The following MAGI2 variants were observed in gnomAD, a reference collection of about 807,000 sequenced individuals.
MAGI2 encodes membrane associated guanylate kinase, WW and PDZ domain containing 2.
MAGI2 carries 35 observed loss-of-function variants against 133.3 expected under a neutral mutation model. The observed-to-expected ratio is 0.26, with a 90% CI of 0.20 to 0.35. The LOEUF is 0.35. MAGI2 is among the 10% of genes least tolerant of loss of function. MAGI2 has a pLI of 1.00. For missense variants in MAGI2, 1,636 were observed against 1,863.4 expected (o/e 0.88, Z 2.25); for synonymous variants, 729 against 710.6 (o/e 1.03, Z -0.41).
At chr7:78,117,164 G>A in intron 20 of MAGI2, among the ~76,000 whole-genome samples, 1 of 151,310 alleles carries the variant, frequency 6.6e-6, no homozygotes, top group Non-Finnish European at 1.5e-5. Context: ...CAACAAAAAG[G>A]ATTATTCTAT....
intron 2 of MAGI2, among the ~76,000 whole-genome samples, chr7:78,662,462 G>A (rs779887568): frequency 7.2e-5 from 11 of 152,104 alleles, no homozygotes; most frequent in Non-Finnish European, 1.2e-4. Flanking sequence ...GCAACACTTT[G>A]CTGATACTAC....
In MAGI2 at chr7:79,031,752, C is replaced by T. The variant is rs79958755; in HGVS notation, c.302-24546G>A. Among the ~76,000 whole-genome samples, 19 of 152,054 alleles carry T rather than the reference C, an allele frequency of 1.2e-4. No individual in the cohort carries two copies. In the East Asian group the frequency reaches 2.9e-3, roughly 23 times the overall value. On this transcript the variant is annotated intron_variant, in intron 1 of 21. Coordinates refer to ENST00000354212, the MANE Select transcript of MAGI2 (RefSeq NM_012301.4). Reference sequence around the variant, plus strand: ...CTCCTATTAATAATAAAAAATTGTCCATAATCAAAGCACATTTGTTTTGTA... The same window carrying T: ...CTCCTATTAATAATAAAAAATTGTCTATAATCAAAGCACATTTGTTTTGTA...
chr7:79,009,748 G>A (rs1054136771), intron 1 of MAGI2, among the ~76,000 whole-genome samples: 8 of 152,070 alleles, frequency 5.3e-5, no homozygotes, highest in Admixed American at 3.9e-4. Context: ...ACTTAGCCCA[G>A]AAGGAAATGG....
intron 1 of MAGI2, among the ~76,000 whole-genome samples, chr7:79,110,689 A>T (rs1818853515): frequency 6.6e-6 from 1 of 152,138 alleles, no homozygotes; most frequent in Non-Finnish European, 1.5e-5. Flanking sequence ...TGAGATGATT[A>T]TATTTTGCAG....
chr7:78,655,583 T>C (rs1445465640), intron 2 of MAGI2, among the ~76,000 whole-genome samples: 1 of 151,236 alleles, frequency 6.6e-6, no homozygotes, highest in African/African-American at 2.4e-5. Flanking sequence ...CAGAAGGGAA[T>C]GAGCAGTAAG....
At chr7:78,020,023 C>T (rs1002004232) in intron 21 of MAGI2, 47 bp from the exon 22 acceptor site, 1 of 1,507,256 alleles carries the variant, frequency 6.6e-7, no homozygotes, top group Non-Finnish European at 8.9e-7. Context: ...CGCAGGACGT[C>T]CCCGTGCCCT....
At chr7:78,478,316 C>T (rs940313075) in intron 6 of MAGI2, among the ~76,000 whole-genome samples, 3 of 151,852 alleles carry the variant, frequency 2.0e-5, no homozygotes, top group African/African-American at 7.2e-5. Context: ...TTTCCCTTAA[C>T]ATGTTTTTAG....
At chr7:79,088,046 T>C (rs1816688201) in intron 1 of MAGI2, among the ~76,000 whole-genome samples, 1 of 152,134 alleles carries the variant, frequency 6.6e-6, no homozygotes, top group Admixed American at 6.6e-5. Flanking sequence ...ATTGGTAGCT[T>C]GATAGGGATA....
intron 2 of MAGI2, among the ~76,000 whole-genome samples, chr7:78,832,835 C>T (rs1330912425): frequency 1.3e-5 from 2 of 152,148 alleles, no homozygotes; most frequent in Admixed American, 6.5e-5. Context: ...TATGAATGGA[C>T]GTGCAGTCAG....
At chr7:78,593,714 C>A (rs547238137) in intron 3 of MAGI2, among the ~76,000 whole-genome samples, 2 of 152,266 alleles carry the variant, frequency 1.3e-5, no homozygotes, top group Non-Finnish European at 1.5e-5. Context: ...CTGAGTACAA[C>A]ATGAAAGCAA....
At chr7:78,629,555 A>T in intron 2 of MAGI2, among the ~76,000 whole-genome samples, 1 of 152,194 alleles carries the variant, frequency 6.6e-6, no homozygotes, top group East Asian at 1.9e-4. Context: ...CTTCATGATT[A>T]CCCCACTCAT....
At chr7:78,787,081 G>T (rs1826888881) in intron 2 of MAGI2, among the ~76,000 whole-genome samples, 1 of 151,932 alleles carries the variant, frequency 6.6e-6, no homozygotes, top group Non-Finnish European at 1.5e-5. Flanking sequence ...CCGAGTAGCT[G>T]GGATTACAGG....
chr7:78,197,388 G>A (rs1336555201), intron 11 of MAGI2, among the ~76,000 whole-genome samples: 1 of 152,176 alleles, frequency 6.6e-6, no homozygotes, highest in Non-Finnish European at 1.5e-5. Flanking sequence ...TCTCCCACTT[G>A]TCATCACAAG....
intron 6 of MAGI2, among the ~76,000 whole-genome samples, chr7:78,413,613 G>A (rs1798044399): frequency 6.6e-6 from 1 of 152,002 alleles, no homozygotes; most frequent in African/African-American, 2.4e-5. Context: ...GGGTTACTGA[G>A]GCAATGGGAG....
intron 6 of MAGI2, among the ~76,000 whole-genome samples, chr7:78,489,334 T>C (rs975080796): frequency 1.3e-5 from 2 of 152,082 alleles, no homozygotes; most frequent in Non-Finnish European, 2.9e-5. Flanking sequence ...CATGTCTTTA[T>C]ATTTCTGAGT....
intron 9 of MAGI2, among the ~76,000 whole-genome samples, chr7:78,329,208 C>T (rs1788915401): frequency 6.6e-6 from 1 of 152,154 alleles, no homozygotes; most frequent in Non-Finnish European, 1.5e-5. Flanking sequence ...AATGTTTCTG[C>T]AGCTGCAGCA....
chr7:78,037,077 C>G lies in MAGI2; in HGVS notation c.3707-17101G>C, dbSNP rs188831060. Among the ~76,000 whole-genome samples, 3 of 152,264 alleles carry G rather than the reference C, an allele frequency of 2.0e-5. No individual in the cohort carries two copies. In the East Asian group the frequency reaches 5.8e-4, roughly 29 times the overall value. ...GTAGATCTGCCACCTGGATAACCCC[C>G]CTGTGCAAGAACCAGTGCCCCCAAG... On this transcript the variant is annotated intron_variant, in intron 21 of 21. Coordinates refer to ENST00000354212, the MANE Select transcript of MAGI2 (RefSeq NM_012301.4).
chr7:78,082,508 G>T (rs1176295632), intron 20 of MAGI2, among the ~76,000 whole-genome samples: 1 of 152,072 alleles, frequency 6.6e-6, no homozygotes. Context: ...TCCATGTAGG[G>T]TCCCCTCAGA....
intron 2 of MAGI2, among the ~76,000 whole-genome samples, chr7:78,795,671 C>T (rs953242105): frequency 5.3e-5 from 8 of 151,968 alleles, no homozygotes; most frequent in Non-Finnish European, 7.4e-5. Context: ...CGTACGGAAT[C>T]ACAAAAGGCT....
Sources: gnomAD v4.1 joint callset for allele counts (sites outside exome capture counted in the v4.1 genomes callset) on GRCh38, gnomAD v4.1.1 for gene constraint, MANE v1.5 for transcripts, NCBI Gene and HGNC (gene_info 2026-07-23, HGNC 2026-07-21) for gene names.